AFF1: variants seen among roughly 807,000 people sequenced by gnomAD.
AFF1 encodes the protein ALF transcription elongation factor 1.
A neutral mutation model predicts 121.7 loss-of-function variants in AFF1; 48 were observed. The observed-to-expected ratio is 0.39, with a 90% CI of 0.31 to 0.50. AFF1 has a LOEUF of 0.50. AFF1 is among the 20% of genes least tolerant of loss of function. AFF1 has a pLI of 0.76. For synonymous variants in AFF1, 613 were observed against 563.0 expected (o/e 1.09, Z -1.26); for missense variants, 1,523 against 1,511.7 (o/e 1.01, Z -0.12).
intron 2 of AFF1, among the ~76,000 whole-genome samples, chr4:87,034,005 G>T (rs990879899): frequency 1.3e-5 from 2 of 152,148 alleles, no homozygotes; most frequent in African/African-American, 4.8e-5. Flanking sequence ...TGGGATGGGT[G>T]CAGGGAGTCA....
intron 2 of AFF1, among the ~76,000 whole-genome samples, chr4:86,962,711 GTGA>G (rs1335779171): frequency 6.6e-6 from 1 of 152,178 alleles, no homozygotes; most frequent in Non-Finnish European, 1.5e-5. Context: ...GTGGGTTCAA[GTGA>G]TGATGAGTCT....
intron 5 of AFF1, among the ~76,000 whole-genome samples, chr4:87,085,447 T>C (rs1333958918): frequency 6.6e-6 from 1 of 151,866 alleles, no homozygotes; most frequent in Non-Finnish European, 1.5e-5. Flanking sequence ...TTCTTTTTTT[T>C]TTTTAATTAG....
intron 2 of AFF1, among the ~76,000 whole-genome samples, chr4:86,988,800 A>G (rs1190033349): frequency 5.9e-5 from 9 of 152,232 alleles, no homozygotes; most frequent in African/African-American, 2.2e-4. Flanking sequence ...CTACAAGGCT[A>G]CGGTAACCAA....
intron 2 of AFF1, among the ~76,000 whole-genome samples, chr4:87,034,039 A>G (rs753685020): frequency 2.5e-4 from 38 of 152,194 alleles, no homozygotes; most frequent in Admixed American, 2.0e-3. Flanking sequence ...CAGATGAGTG[A>G]GTAGGCAGGA....
intron 2 of AFF1, among the ~76,000 whole-genome samples, chr4:86,988,380 CT>C (rs113067662): frequency 2.9e-4 from 43 of 147,570 alleles, no homozygotes; most frequent in Admixed American, 4.1e-4. Flanking sequence ...GTTAGATCAA[CT>C]TTTTTTTTTT....
chr4:87,126,351 C>T lies in AFF1; in HGVS notation c.2811+15C>T, dbSNP rs561982538. On this transcript the variant is annotated intron_variant, in intron 14 of 20. Transcript: ENST00000395146. Reference sequence around the variant, plus strand: ...CGGAGCACAAGGTGAGCAGGGGCGGCGGTCACTCTGTAAGATGGGATGCAT... The same window carrying T: ...CGGAGCACAAGGTGAGCAGGGGCGGTGGTCACTCTGTAAGATGGGATGCAT... The T allele has an allele frequency of 2.9e-5, 46 of 1,608,586 alleles. No homozygotes were observed. The highest frequency in any genetic ancestry group is 1.3e-4 in the East Asian group (6 of 44,836).
chr4:87,120,177 A>C, intron 12 of AFF1, among the ~76,000 whole-genome samples: 1 of 152,126 alleles, frequency 6.6e-6, no homozygotes, highest in East Asian at 1.9e-4. Context: ...TTTCTGTAGC[A>C]CTCACCCCAG....
At chr4:87,015,907 G>T (rs1460501299) in intron 2 of AFF1, among the ~76,000 whole-genome samples, 1 of 152,200 alleles carries the variant, frequency 6.6e-6, no homozygotes, top group Admixed American at 6.5e-5. Flanking sequence ...GAAGTCGGGC[G>T]TGGTCGCTCA....
chr4:87,020,825 C>T (rs1413987014), intron 2 of AFF1: 8 of 985,130 alleles, frequency 8.1e-6, no homozygotes, highest in South Asian at 4.7e-5. Context: ...TTGTTAACGT[C>T]GTCTTTTCAA....
chr4:86,985,485 C>T lies in AFF1; in HGVS notation c.38+36914C>T, dbSNP rs977166473. ...AAGATCATTGCACTCCAGCCCGGGC[C>T]GACAACAGCGAGACACTGTCTCAAA... On this transcript the variant is annotated intron_variant, in intron 2 of 20. Transcript: ENST00000395146. 1.3e-4 allele frequency among the ~76,000 whole-genome samples: 18 copies of T among 143,420 alleles called. No individual in the cohort carries two copies. In the East Asian group the frequency reaches 3.1e-3, roughly 24 times the overall value. 94.1% of individuals were successfully genotyped at this position (143,420 alleles called of 152,430 possible).
intron 2 of AFF1, among the ~76,000 whole-genome samples, chr4:86,997,003 C>T (rs1349853468): frequency 2.6e-5 from 4 of 152,166 alleles, no homozygotes; most frequent in Admixed American, 6.5e-5. Context: ...CCTCTGCCTC[C>T]CGGGTTCAAG....
At chr4:86,958,090 C>CTTTTTTTTTTTTTTTTTTTTTTTTTTTT in intron 2 of AFF1, among the ~76,000 whole-genome samples, 1 of 32,538 alleles carries the variant, frequency 3.1e-5, no homozygotes, top group Non-Finnish European at 7.3e-5. Flanking sequence ...CTTTTTTTTT[C>CTTTTTTTTTTTTTTTTTTTTTTTTTTTT]CTTTTTTTTT....
At chr4:86,985,475 C>T (rs1724173077) in intron 2 of AFF1, among the ~76,000 whole-genome samples, 1 of 146,466 alleles carries the variant, frequency 6.8e-6, no homozygotes, top group Non-Finnish European at 1.5e-5. Flanking sequence ...CATTGCACTC[C>T]AGCCCGGGCC....
chr4:87,087,086 C>T (rs1195511840), intron 5 of AFF1, among the ~76,000 whole-genome samples: 1 of 152,192 alleles, frequency 6.6e-6, no homozygotes, highest in Non-Finnish European at 1.5e-5. Flanking sequence ...TTTCTACTTA[C>T]AGGCAAGCCT....
At chr4:87,049,460 A>C (rs563943120) in intron 4 of AFF1, among the ~76,000 whole-genome samples, 2 of 152,286 alleles carry the variant, frequency 1.3e-5, no homozygotes, top group Non-Finnish European at 2.9e-5. Flanking sequence ...GAGATTCTTC[A>C]GTGTCTTAAA....
At chr4:86,949,180 A>T (rs10027184) in intron 2 of AFF1, among the ~76,000 whole-genome samples, 21,582 of 137,546 alleles carry the variant, frequency 0.16, 1,737 homozygotes, top group East Asian at 0.2. Context: ...ATATATATAT[A>T]TTTTTTTTTT....
intron 8 of AFF1, among the ~76,000 whole-genome samples, chr4:87,100,330 C>T (rs1176745603): frequency 1.3e-5 from 2 of 152,082 alleles, no homozygotes; most frequent in Admixed American, 6.5e-5. Flanking sequence ...CCTCCATAAC[C>T]TATCCCCTAC....
At position 87,062,797 on chromosome 4, in the gene AFF1, A is replaced by G. The variant is rs539022649; in HGVS notation, c.1059+15203A>G. 2.0e-4 allele frequency among the ~76,000 whole-genome samples: 31 copies of G among 152,326 alleles called. 1 individual carries two copies. In the South Asian group the frequency reaches 3.5e-3, roughly 17 times the overall value. ...GGTACTTATTTATAACTAGTGGTGAATAAGTATATAATACAGCATGTTATT... is the reference window on the plus strand; with the variant it reads ...GGTACTTATTTATAACTAGTGGTGAGTAAGTATATAATACAGCATGTTATT... On this transcript the variant is annotated intron_variant, in intron 4 of 20. Transcript: ENST00000395146.
At chr4:86,963,452 G>A (rs1715269446) in intron 2 of AFF1, among the ~76,000 whole-genome samples, 1 of 152,112 alleles carries the variant, frequency 6.6e-6, no homozygotes, top group East Asian at 1.9e-4. Context: ...TGGGATGGAG[G>A]TAGATTAGTC....
Sources: allele counts gnomAD v4.1 joint callset (sites outside exome capture counted in the v4.1 genomes callset), GRCh38; gene constraint gnomAD v4.1.1; transcripts MANE v1.5; gene names NCBI Gene and HGNC (gene_info 2026-07-23, HGNC 2026-07-21).